Variants in CCSER1 observed in about 807,000 individuals in gnomAD.
CCSER1 encodes coiled-coil serine rich protein 1, also known as serine-rich coiled-coil domain-containing protein 1.
CCSER1 carries 41 observed loss-of-function variants against 82.0 expected under a neutral mutation model. The ratio of observed to expected loss-of-function variants is 0.50; its 90% CI spans 0.39 to 0.65. The LOEUF (loss-of-function observed/expected upper bound fraction) is 0.65. Ranked by LOEUF, CCSER1 falls within the 30% of genes least tolerant of loss-of-function variation. The probability of loss-of-function intolerance (pLI) is 0.00; values close to 1 mark genes in which losing one functional copy is unlikely to be tolerated. For missense variants in CCSER1, 1,119 were observed against 1,064.2 expected (o/e 1.05, Z -0.72); for synonymous variants, 414 against 383.9 (o/e 1.08, Z -0.92).
At chr4:91,331,507 C>T (rs976540399) in intron 10 of CCSER1, among the ~76,000 whole-genome samples, 12 of 152,062 alleles carry the variant, frequency 7.9e-5, no homozygotes, top group African/African-American at 2.4e-4. Context: ...CTTCCTGACG[C>T]TTGCCTGCTT....
chr4:91,325,960 A>G (rs1746529380), intron 10 of CCSER1, among the ~76,000 whole-genome samples: 1 of 149,974 alleles, frequency 6.7e-6, no homozygotes, highest in African/African-American at 2.5e-5. Context: ...CAAAATTCCT[A>G]GAGTTTTCTT....
chr4:91,182,568 T>A (rs1734142581), intron 10 of CCSER1, among the ~76,000 whole-genome samples: 1 of 152,240 alleles, frequency 6.6e-6, no homozygotes, highest in Non-Finnish European at 1.5e-5. Flanking sequence ...TGGCTTGTCC[T>A]TGAGAATTGT....
intron 10 of CCSER1, among the ~76,000 whole-genome samples, chr4:91,547,793 G>GT (rs1366341386): frequency 3.3e-5 from 5 of 151,218 alleles, no homozygotes; most frequent in African/African-American, 1.2e-4. Flanking sequence ...TTTTTTGTTT[G>GT]TTTTTTGAGA....
chr4:91,176,930 T>C (rs1025461098), intron 10 of CCSER1, among the ~76,000 whole-genome samples: 4 of 152,182 alleles, frequency 2.6e-5, no homozygotes, highest in Non-Finnish European at 4.4e-5. Context: ...AGTTTTTGCC[T>C]ATTTAGTATG....
chr4:90,550,362 A>G (rs1227235709), intron 5 of CCSER1, among the ~76,000 whole-genome samples: 2 of 152,192 alleles, frequency 1.3e-5, no homozygotes, highest in African/African-American at 2.4e-5. Context: ...CTTGACTTTC[A>G]TGAAATTTAT....
rs530634029 is a variant in CCSER1 at position 91,071,671 on chromosome 4, G to A, written c.2173-14279G>A. 9.9e-5 allele frequency among the ~76,000 whole-genome samples: 15 copies of A among 151,586 alleles called. No individual in the cohort carries two copies. The South Asian group carries it at 2.1e-3, about 21-fold the overall frequency. ...TGCATTCTCTCTTTTTATGATCTAC[G>A]GTACAAATATGAAACGTAGCTTACT... On this transcript the variant is annotated intron_variant, in intron 9 of 10. Coordinates refer to ENST00000509176, the MANE Select transcript of CCSER1 (RefSeq NM_001145065.2).
intron 10 of CCSER1, among the ~76,000 whole-genome samples, chr4:91,465,065 C>A (rs1379297946): frequency 6.6e-6 from 1 of 152,126 alleles, no homozygotes; most frequent in East Asian, 1.9e-4. Context: ...TTTCTCAGCA[C>A]CACATCACAT....
intron 3 of CCSER1, among the ~76,000 whole-genome samples, chr4:90,341,789 T>C (rs542205949): frequency 3.8e-4 from 58 of 152,296 alleles, no homozygotes; most frequent in African/African-American, 1.2e-3. Flanking sequence ...AAATTATTTA[T>C]TCTGACCTGA....
At chr4:90,655,122 T>A (rs1729476959) in intron 6 of CCSER1, among the ~76,000 whole-genome samples, 1 of 152,056 alleles carries the variant, frequency 6.6e-6, no homozygotes, top group African/African-American at 2.4e-5. Context: ...TTTGGCCTGG[T>A]GGTTTTTGAC....
At chr4:90,264,394 G>A (rs538355058) in intron 1 of CCSER1, among the ~76,000 whole-genome samples, 30 of 152,174 alleles carry the variant, frequency 2.0e-4, no homozygotes, top group South Asian at 6.2e-4. Flanking sequence ...GATATCTATC[G>A]AGTCAGTCTA....
At chr4:91,464,447 G>C (rs1756733920) in intron 10 of CCSER1, among the ~76,000 whole-genome samples, 1 of 152,092 alleles carries the variant, frequency 6.6e-6, no homozygotes, top group Non-Finnish European at 1.5e-5. Flanking sequence ...TGCATCAACT[G>C]ACAAGCAAAA....
At chr4:91,545,230 G>A (rs2110207652) in intron 10 of CCSER1, among the ~76,000 whole-genome samples, 1 of 152,192 alleles carries the variant, frequency 6.6e-6, no homozygotes, top group Non-Finnish European at 1.5e-5. Context: ...ATCTGTCATG[G>A]CTTCCCTTTG....
chr4:90,720,933 A>G (rs917748180), intron 6 of CCSER1, among the ~76,000 whole-genome samples: 1 of 151,984 alleles, frequency 6.6e-6, no homozygotes, highest in African/African-American at 2.4e-5. Context: ...GAGGAATGAA[A>G]TCGCTTGTCA....
intron 10 of CCSER1, among the ~76,000 whole-genome samples, chr4:91,310,776 G>A (rs1293376667): frequency 6.6e-6 from 1 of 151,858 alleles, no homozygotes; most frequent in Non-Finnish European, 1.5e-5. Flanking sequence ...TGTCAAATCT[G>A]TGGCCCAGGA....
At chr4:91,269,689 T>G (rs1339205538) in intron 10 of CCSER1, among the ~76,000 whole-genome samples, 1 of 152,202 alleles carries the variant, frequency 6.6e-6, no homozygotes, top group East Asian at 1.9e-4. Context: ...TGAGCATTCT[T>G]CTGTAAATGC....
intron 10 of CCSER1, among the ~76,000 whole-genome samples, chr4:91,437,494 G>C (rs1754737276): frequency 6.6e-6 from 1 of 152,204 alleles, no homozygotes; most frequent in Non-Finnish European, 1.5e-5. Context: ...ATTAATATGA[G>C]GGCAGCCAAG....
intron 5 of CCSER1, among the ~76,000 whole-genome samples, chr4:90,539,829 T>C (rs1775879470): frequency 6.6e-6 from 1 of 152,126 alleles, no homozygotes; most frequent in South Asian, 2.1e-4. Context: ...TACATTGTTA[T>C]GGGAATTGAA....
Position 90,782,121 on chromosome 4 carries a change from A to T in CCSER1, c.2011-33641A>T, listed in dbSNP as rs955335990. On this transcript the variant is annotated intron_variant, in intron 7 of 10. Transcript: ENST00000509176. ...GATAAGAAAAAATCCAGTCTTGATTATATTGCATATTTCCTGGTCGGCCTT... is the reference window on the plus strand; with the variant it reads ...GATAAGAAAAAATCCAGTCTTGATTTTATTGCATATTTCCTGGTCGGCCTT... The T allele has an allele frequency of 1.7e-5, 5 of 288,056 alleles. No homozygotes were observed. The Admixed American group carries it at 3.2e-4, about 19-fold the overall frequency. 17.8% of individuals were successfully genotyped at this position (288,056 alleles called of 1,614,324 possible). A position where few individuals can be genotyped will look rare whatever the true frequency, so the allele number is the denominator to read the frequency against.
At chr4:91,452,835 T>C (rs970320834) in intron 10 of CCSER1, among the ~76,000 whole-genome samples, 1 of 152,050 alleles carries the variant, frequency 6.6e-6, no homozygotes, top group Non-Finnish European at 1.5e-5. Context: ...TTTTTCTAGC[T>C]CATTTTCCTG....
Sources: gnomAD v4.1 joint callset for allele counts (sites outside exome capture counted in the v4.1 genomes callset) on GRCh38, gnomAD v4.1.1 for gene constraint, MANE v1.5 for transcripts, NCBI Gene and HGNC (gene_info 2026-07-23, HGNC 2026-07-21) for gene names.